Variants in SETDB1 observed in about 807,000 individuals in gnomAD.
SETDB1 encodes the protein histone-lysine N-methyltransferase SETDB1.
Under a neutral mutation model 137.4 loss-of-function variants are expected in SETDB1, and 31 were observed. The ratio of observed to expected loss-of-function variants is 0.23; its 90% CI spans 0.17 to 0.30. The LOEUF (loss-of-function observed/expected upper bound fraction) is 0.30. Ranked by LOEUF, SETDB1 falls within the 10% of genes least tolerant of loss-of-function variation. The pLI, the probability that SETDB1 is intolerant of heterozygous loss-of-function variation, is 1.00. For missense variants in SETDB1, 1,113 were observed against 1,631.5 expected, an observed-to-expected ratio of 0.68 and a Z score of 5.47; for synonymous variants, 548 against 579.9, an observed-to-expected ratio of 0.95 and a Z score of 0.79.
chr1:150,962,172 G>A lies in SETDB1; in HGVS notation c.3161+14G>A, dbSNP rs181171318. 1 of 1,610,258 alleles carries A rather than the reference G, an allele frequency of 6.2e-7. No homozygotes were observed. The highest frequency in any genetic ancestry group is 1.1e-5 in the South Asian group (1 of 91,000). ...CAAGATGTCAGTGTAAGTGCCTTTT[G>A]TTTTGTTTTGTTTTGAGACAGAGTC... is the stretch of plus-strand genomic sequence containing the variant. On this transcript the variant is annotated intron_variant, in intron 17 of 21. Transcript: ENST00000692827.
At chr1:150,928,647 G>A (rs1669617360) in intron 2 of SETDB1, among the ~76,000 whole-genome samples, 1 of 152,166 alleles carries the variant, frequency 6.6e-6, no homozygotes, top group Non-Finnish European at 1.5e-5. Context: ...AAGTTCTAGG[G>A]TATATGTGCA....
intron 4 of SETDB1, among the ~76,000 whole-genome samples, 158 bp from the exon 5 acceptor site, chr1:150,941,171 A>G (rs587695426): frequency 9.2e-5 from 14 of 152,336 alleles, no homozygotes; most frequent in Non-Finnish European, 2.1e-4. Flanking sequence ...ATCAAAAAAA[A>G]AGAGTAAGGG....
At chr1:150,958,659 G>T (rs895577212) in intron 14 of SETDB1, among the ~76,000 whole-genome samples, 2 of 152,098 alleles carry the variant, frequency 1.3e-5, no homozygotes, top group African/African-American at 4.8e-5. Flanking sequence ...ATTAGTCACA[G>T]TTCCTCCTAT....
intron 3 of SETDB1, among the ~76,000 whole-genome samples, chr1:150,937,933 A>G (rs989230836): frequency 6.6e-6 from 1 of 152,188 alleles, no homozygotes; most frequent in Non-Finnish European, 1.5e-5. Flanking sequence ...ATTCAGCCAT[A>G]AAAAGGAATG....
intron 13 of SETDB1, 114 bp from the exon 14 acceptor site, chr1:150,951,251 A>C (rs945482210): frequency 8.9e-7 from 1 of 1,125,220 alleles, no homozygotes; most frequent in African/African-American, 1.5e-5. Flanking sequence ...GCTATGAGGT[A>C]GGGAGGCTGG....
At chr1:150,954,712 A>G (rs1000928609) in intron 14 of SETDB1, among the ~76,000 whole-genome samples, 2 of 152,258 alleles carry the variant, frequency 1.3e-5, no homozygotes, top group African/African-American at 4.8e-5. Flanking sequence ...GAATCTGTTC[A>G]GAATTCTAAG....
At chr1:150,931,766 C>T (rs1226132159) in intron 3 of SETDB1, among the ~76,000 whole-genome samples, 1 of 136,200 alleles carries the variant, frequency 7.3e-6, no homozygotes, top group Admixed American at 7.7e-5. Context: ...TTTTCTTCTT[C>T]CTGATGTTGA....
intron 3 of SETDB1, among the ~76,000 whole-genome samples, chr1:150,936,796 G>A (rs1181124871): frequency 6.6e-6 from 1 of 152,070 alleles, no homozygotes; most frequent in African/African-American, 2.4e-5. Flanking sequence ...TGAGACTACA[G>A]GCAAGTGCCA....
chr1:150,956,091 CA>C lies in SETDB1; in HGVS notation c.2334-3072del, dbSNP rs3975893. On this transcript the variant is annotated intron_variant, in intron 14 of 21. Transcript: ENST00000692827. ...TGGGCGACAGAAGGAGACTTCGTCT[CA>C]AAAAAAAAAAAAAAGCCAAGCGCAG... 4.5e-3 allele frequency among the ~76,000 whole-genome samples: 456 copies of C among 101,148 alleles called. 9 individuals are homozygous for C. Among genetic ancestry groups the C allele is most frequent in the Middle Eastern group, 0.019 (3 of 162 alleles). The allele number at this position is 101,148 out of a possible 152,430, so 66.4% of individuals were successfully genotyped here.
Position 150,959,338 on chromosome 1 carries a change from A to G in SETDB1, c.2494A>G (p.Ile832Val), listed in dbSNP as rs1336857856. The change falls in exon 15 of 22, where the codon ATT (isoleucine) becomes GTT (valine). Residue 832 changes from isoleucine to valine, a missense_variant. Physicochemically the swap from Ile to Val is conservative, Grantham distance 29. Coordinates refer to ENST00000692827, the MANE Select transcript of SETDB1 (RefSeq NM_001366418.1). Reference sequence around the variant, plus strand: ...CATTGCCAAAGGCTCTTTTGTTTGTATTTATGCAGGTTGGTGATAAAATAT... The same window carrying G: ...CATTGCCAAAGGCTCTTTTGTTTGTGTTTATGCAGGTTGGTGATAAAATAT... ...DDIAKGSFVC[I>V]YAGKILTDDF... is the part of the protein sequence containing the mutation. 6.2e-7 allele frequency: 1 copy of G among 1,603,392 alleles called. No individual in the cohort carries two copies. Among genetic ancestry groups the G allele is most frequent in the African/African-American group, 1.3e-5 (1 of 74,266 alleles).
rs759907088 is a variant in SETDB1 at position 150,946,918 on chromosome 1, C to T, written c.1173C>T (p.Gly391=). ...DDKRCEWIYR[G]STRLEPMFSM... is the part of the protein sequence containing the mutation. Reference sequence around the variant, plus strand: ...AAAGATGTGAGTGGATCTATCGAGGCTCTACACGGCTGGAGCCCATGTTCA... The same window carrying T: ...AAAGATGTGAGTGGATCTATCGAGGTTCTACACGGCTGGAGCCCATGTTCA... Residue 391 remains glycine (G), a synonymous_variant, in exon 10 of 22, where the codon GGC becomes GGT. Coordinates refer to ENST00000692827, the MANE Select transcript of SETDB1 (RefSeq NM_001366418.1). The T allele has an allele frequency of 4.8e-5, 78 of 1,613,042 alleles. 2 individuals are homozygous for T. The South Asian group carries it at 7.1e-4, about 15-fold the overall frequency.
intron 2 of SETDB1, among the ~76,000 whole-genome samples, chr1:150,928,442 C>G (rs1669610284): frequency 6.6e-6 from 1 of 152,138 alleles, no homozygotes; most frequent in African/African-American, 2.4e-5. Flanking sequence ...AGTCCTTTCC[C>G]CTTCTTCCTC....
chr1:150,927,762 A>G lies in SETDB1; in HGVS notation c.48A>G (p.Thr16=). 6.2e-7 allele frequency: 1 copy of G among 1,614,206 alleles called. No individual in the cohort carries two copies. The highest frequency in any genetic ancestry group is 8.5e-7 in the Non-Finnish European group (1 of 1,180,024). Residue 16 remains threonine, a synonymous_variant, in exon 2 of 22, where the codon ACA becomes ACG. Coordinates refer to ENST00000692827, the MANE Select transcript of SETDB1 (RefSeq NM_001366418.1). ...TTGGTTTGGATGCAGCAACAGCTAC[A>G]GTGGAGTCTGAAGAGATTGCAGAGC... is the stretch of plus-strand genomic sequence containing the variant. ...GCIGLDAATA[T]VESEEIAELQ... is the part of the protein sequence containing the mutation.
In SETDB1 at chr1:150,949,285, GTTA is replaced by G; in HGVS notation, c.1424+10_1424+12del. Reference sequence around the variant, plus strand: ...CCCAAGCAGGTGACAGTGAGTGAGTGTTATTCTTTCTTTTTCTTCAGTTTCTTT... The same window carrying G: ...CCCAAGCAGGTGACAGTGAGTGAGTGTTCTTTCTTTTTCTTCAGTTTCTTT... On this transcript the variant is annotated splice_region_variant and intron_variant, in intron 11 of 21. Transcript: ENST00000692827. 6.2e-7 allele frequency: 1 copy of G among 1,613,202 alleles called. No individual in the cohort carries two copies. Among genetic ancestry groups the G allele is most frequent in the East Asian group, 2.2e-5 (1 of 44,878 alleles).
intron 19 of SETDB1, 52 bp downstream of exon 19, chr1:150,963,191 G>C (rs754529488): frequency 2.6e-6 from 4 of 1,529,550 alleles, no homozygotes; most frequent in Non-Finnish European, 3.6e-6. Context: ...AGAAACTTGG[G>C]ATAGAGCATT....
chr1:150,926,913 T>C, intron 1 of SETDB1: 1 of 504,340 alleles, frequency 2.0e-6, no homozygotes, highest in South Asian at 1.5e-5. Flanking sequence ...TTTTAAAAAG[T>C]AAAATTCCAC....
chr1:150,961,865 G>C (rs1329190059), intron 16 of SETDB1: 1 of 531,976 alleles, frequency 1.9e-6, no homozygotes, highest in African/African-American at 1.9e-5. Context: ...CCACATTACA[G>C]ATGGTGAAAC....
At chr1:150,963,424 C>T (rs769981290) in intron 19 of SETDB1, 106 bp from the exon 20 acceptor site, 13 of 940,902 alleles carry the variant, frequency 1.4e-5, no homozygotes, top group Admixed American at 2.4e-5. Context: ...ATTGGTGTTT[C>T]TCAGCTGCAA....
At chr1:150,943,611 G>T (rs1038152101) in intron 7 of SETDB1, among the ~76,000 whole-genome samples, 32 of 152,214 alleles carry the variant, frequency 2.1e-4, no homozygotes, top group African/African-American at 6.8e-4. Flanking sequence ...GGGAGGCAGT[G>T]GTTGCCATGA....
Sources: gnomAD v4.1 joint callset for allele counts (sites outside exome capture counted in the v4.1 genomes callset) on GRCh38, gnomAD v4.1.1 for gene constraint, MANE v1.5 for transcripts, NCBI Gene and HGNC (gene_info 2026-07-23, HGNC 2026-07-21) for gene names.